The following HS3ST5 variants were observed in gnomAD, a reference collection of about 807,000 sequenced individuals.
The protein encoded by HS3ST5 is heparan sulfate glucosamine 3-O-sulfotransferase 5.
In HS3ST5, 10 loss-of-function variants were observed where a neutral mutation model predicts 25.4. That is an observed-to-expected ratio of 0.39 (90% CI 0.24 to 0.67). The LOEUF is 0.67. Among genes scored for constraint, HS3ST5 ranks in the 30% least tolerant of loss-of-function variants. The pLI is 0.44. For missense variants in HS3ST5, 324 were observed against 420.7 expected (o/e 0.77, Z 2.01); for synonymous variants, 170 against 162.4 (o/e 1.05, Z -0.36).
chr6:114,097,754 T>TA lies in HS3ST5; in HGVS notation c.-32-34878dup, dbSNP rs1203292661. ...TCTACTTCCTTATTCTTTCCTTTTT[T>TA]AAAAAAAATCAAAGTATAGTATATA... On this transcript the variant is annotated intron_variant, in intron 3 of 4. Coordinates refer to ENST00000312719, the MANE Select transcript of HS3ST5 (RefSeq NM_153612.4). Among the ~76,000 whole-genome samples the TA allele has an allele frequency of 7.2e-5, 11 of 151,848 alleles. No homozygotes were observed. In the South Asian group the frequency reaches 1.0e-3, roughly 14 times the overall value.
At chr6:114,062,574 T>C (rs1773193988) in intron 4 of HS3ST5, among the ~76,000 whole-genome samples, 165 bp downstream of exon 4, 3 of 152,178 alleles carry the variant, frequency 2.0e-5, no homozygotes, top group Admixed American at 2.0e-4. Context: ...CTTGGATCTC[T>C]CTCTTTTAAA....
At chr6:114,296,814 G>C (rs1460588857) in intron 1 of HS3ST5, among the ~76,000 whole-genome samples, 1 of 152,144 alleles carries the variant, frequency 6.6e-6, no homozygotes, top group African/African-American at 2.4e-5. Flanking sequence ...TAAGTAAATG[G>C]AGGTGAAGCA....
At chr6:114,271,628 G>T (rs1185310014) in intron 1 of HS3ST5, among the ~76,000 whole-genome samples, 1 of 151,770 alleles carries the variant, frequency 6.6e-6, no homozygotes, top group Non-Finnish European at 1.5e-5. Flanking sequence ...CCTTACAATT[G>T]TATCCTATTT....
intron 1 of HS3ST5, among the ~76,000 whole-genome samples, chr6:114,248,770 A>G (rs922286878): frequency 3.3e-5 from 5 of 152,262 alleles, no homozygotes; most frequent in African/African-American, 1.2e-4. Context: ...GCATAATTTT[A>G]GGAAAATAAA....
In HS3ST5 at chr6:114,299,532, G is replaced by A. The variant is rs1174201607; in HGVS notation, c.-339+42663C>T. On this transcript the variant is annotated intron_variant, in intron 1 of 4. Transcript: ENST00000312719. The stretch of plus-strand genomic sequence containing the variant: ...GGTTTTACGGCTCCTGGGGCATCAC[G>A]GAACCTACCGACATGTGATGTCTCC... Among the ~76,000 whole-genome samples, 7 of 152,072 alleles carry A rather than the reference G, an allele frequency of 4.6e-5. No homozygotes were observed. In the East Asian group the frequency reaches 7.7e-4, roughly 17 times the overall value.
At chr6:114,156,575 A>G (rs1241056071) in intron 3 of HS3ST5, among the ~76,000 whole-genome samples, 2 of 152,170 alleles carry the variant, frequency 1.3e-5, no homozygotes, top group Non-Finnish European at 2.9e-5. Flanking sequence ...GGTTCCACTT[A>G]TTATTTGTAC....
intron 1 of HS3ST5, among the ~76,000 whole-genome samples, chr6:114,341,030 T>C (rs1422354854): frequency 7.4e-6 from 1 of 135,944 alleles, no homozygotes; most frequent in Non-Finnish European, 1.5e-5. Context: ...CAGAGAAGAG[T>C]TACAGTGCTA....
intron 3 of HS3ST5, among the ~76,000 whole-genome samples, chr6:114,129,352 T>C (rs1200616867): frequency 1.4e-5 from 2 of 147,600 alleles, no homozygotes; most frequent in South Asian, 4.5e-4. Context: ...GCCTCCTGGG[T>C]TCACACCATT....
At chr6:114,203,493 C>T (rs1781124137) in intron 2 of HS3ST5, among the ~76,000 whole-genome samples, 1 of 152,184 alleles carries the variant, frequency 6.6e-6, no homozygotes, top group South Asian at 2.1e-4. Flanking sequence ...AGATTTGTAA[C>T]TTCCCCAGTC....
intron 1 of HS3ST5, among the ~76,000 whole-genome samples, chr6:114,292,292 C>T (rs1047461807): frequency 6.6e-6 from 1 of 152,104 alleles, no homozygotes; most frequent in Non-Finnish European, 1.5e-5. Context: ...AAGACTGTGG[C>T]GTCTGGTGTG....
intron 2 of HS3ST5, among the ~76,000 whole-genome samples, chr6:114,214,195 A>G (rs1435227017): frequency 1.3e-5 from 2 of 152,240 alleles, no homozygotes; most frequent in African/African-American, 2.4e-5. Flanking sequence ...TCTGAAATAA[A>G]TGTAGACTTA....
At chr6:114,123,811 G>T (rs1562205961) in intron 3 of HS3ST5, among the ~76,000 whole-genome samples, 1 of 152,102 alleles carries the variant, frequency 6.6e-6, no homozygotes, top group African/African-American at 2.4e-5. Flanking sequence ...CTTTGCATAT[G>T]TTGGGGTATT....
rs568259139 is a variant in HS3ST5 at position 114,191,118 on chromosome 6, G to A, written c.-144-22656C>T. Among the ~76,000 whole-genome samples the A allele has an allele frequency of 2.6e-4, 40 of 152,204 alleles. No individual in the cohort carries two copies. The Middle Eastern group carries it at 0.014, about 52-fold the overall frequency. The stretch of plus-strand genomic sequence containing the variant: ...ATAATATTAAGCATAGAAAATATGG[G>A]ACAAAGAAAAACATAGACTCACAAA... On this transcript the variant is annotated intron_variant, in intron 2 of 4. Coordinates refer to ENST00000312719, the MANE Select transcript of HS3ST5 (RefSeq NM_153612.4).
intron 3 of HS3ST5, chr6:114,084,917 T>C: frequency 2.1e-6 from 1 of 486,876 alleles, no homozygotes; most frequent in Non-Finnish European, 3.7e-6. Context: ...CTGCAACCTC[T>C]GCCTCCCGGG....
intron 2 of HS3ST5, among the ~76,000 whole-genome samples, chr6:114,219,046 G>T (rs912031757): frequency 6.6e-6 from 1 of 152,164 alleles, no homozygotes; most frequent in Non-Finnish European, 1.5e-5. Context: ...TTTAAAAACA[G>T]TTCTACTTTC....
intron 2 of HS3ST5, among the ~76,000 whole-genome samples, chr6:114,203,305 A>T (rs952490231): frequency 6.6e-6 from 1 of 152,194 alleles, no homozygotes; most frequent in African/African-American, 2.4e-5. Context: ...TGCCTTGGTT[A>T]GCTTTAACAC....
At chr6:114,123,937 T>C (rs1776915089) in intron 3 of HS3ST5, among the ~76,000 whole-genome samples, 1 of 152,190 alleles carries the variant, frequency 6.6e-6, no homozygotes, top group Non-Finnish European at 1.5e-5. Context: ...TTTCAAGAAT[T>C]ATATAAGGAT....
intron 3 of HS3ST5, among the ~76,000 whole-genome samples, chr6:114,160,889 A>T (rs1000877546): frequency 1.3e-5 from 2 of 152,218 alleles, no homozygotes; most frequent in Non-Finnish European, 2.9e-5. Flanking sequence ...GGTGTAATAA[A>T]CTAATTCATC....
chr6:114,310,923 T>C (rs1467698294), intron 1 of HS3ST5, among the ~76,000 whole-genome samples: 1 of 152,156 alleles, frequency 6.6e-6, no homozygotes, highest in African/African-American at 2.4e-5. Flanking sequence ...CTGGTTTACT[T>C]CCAGATTATA....
Sources: gnomAD v4.1 joint callset for allele counts (sites outside exome capture counted in the v4.1 genomes callset) on GRCh38, gnomAD v4.1.1 for gene constraint, MANE v1.5 for transcripts, NCBI Gene and HGNC (gene_info 2026-07-23, HGNC 2026-07-21) for gene names.